Variants in UBAC2 observed in about 807,000 individuals in gnomAD.
UBAC2 encodes ubiquitin-associated domain-containing protein 2.
UBAC2 carries 26 observed loss-of-function variants against 44.0 expected under a neutral mutation model. The observed-to-expected ratio is 0.59, with a 90% confidence interval of 0.43 to 0.82. UBAC2 has a LOEUF of 0.82. Ranked by LOEUF, UBAC2 falls within the 40% of genes least tolerant of loss-of-function variation. The pLI is 0.00. For synonymous variants in UBAC2, 155 were observed against 154.3 expected (o/e 1.00, Z -0.04); for missense variants, 329 against 419.4 (o/e 0.78, Z 1.88).
intron 5 of UBAC2, among the ~76,000 whole-genome samples, chr13:99,315,787 T>G (rs1000220761): frequency 1.3e-5 from 2 of 152,182 alleles, no homozygotes; most frequent in Admixed American, 6.5e-5. Context: ...TTCATTTTTC[T>G]GAGATTGTAA....
At position 99,295,553 on chromosome 13, in the gene UBAC2, A is replaced by G; in HGVS notation, c.390-18544A>G. ...TACATATCCTATGAAACATGCCCCA[A>G]GCAGAATCCAGGGAAGAGATTTAGT... On this transcript the variant is annotated intron_variant, in intron 4 of 8. Coordinates refer to ENST00000403766, the MANE Select transcript of UBAC2 (RefSeq NM_001144072.2). The surrounding 1 kb of genome is among the most constrained non-coding windows in gnomAD (Gnocchi z 4.1). The G allele has an allele frequency of 2.5e-6, 4 of 1,614,000 alleles. No individual in the cohort carries two copies. The highest frequency in any genetic ancestry group is 2.5e-6 in the Non-Finnish European group (3 of 1,180,022).
intron 1 of UBAC2, among the ~76,000 whole-genome samples, chr13:99,217,244 C>T (rs928317809): frequency 1.1e-4 from 17 of 152,186 alleles, no homozygotes; most frequent in Non-Finnish European, 2.4e-4. Flanking sequence ...CAGAGTCAGT[C>T]CCTCCATCCA....
At chr13:99,374,314 G>C (rs2045450453) in intron 8 of UBAC2, among the ~76,000 whole-genome samples, 1 of 152,138 alleles carries the variant, frequency 6.6e-6, no homozygotes, top group African/African-American at 2.4e-5. Flanking sequence ...AGGTCTTCTT[G>C]TTTTGGGATC....
At chr13:99,326,496 T>G (rs2044642501) in intron 6 of UBAC2, among the ~76,000 whole-genome samples, 1 of 152,226 alleles carries the variant, frequency 6.6e-6, no homozygotes, top group South Asian at 2.1e-4. Context: ...TGATACACAT[T>G]CTAAAAATAA....
At chr13:99,368,135 T>C (rs1200183102) in intron 8 of UBAC2, among the ~76,000 whole-genome samples, 1 of 152,122 alleles carries the variant, frequency 6.6e-6, no homozygotes, top group Non-Finnish European at 1.5e-5. Flanking sequence ...TGTATTATGG[T>C]AGCTTGTTTT....
intron 4 of UBAC2, chr13:99,255,987 T>A: frequency 1.0e-6 from 1 of 977,226 alleles, no homozygotes; most frequent in Non-Finnish European, 1.5e-6. Context: ...TCAGCTTGAC[T>A]GCCAGTGAAT....
chr13:99,241,369 A>T (rs1437798161), intron 2 of UBAC2, among the ~76,000 whole-genome samples: 1 of 152,212 alleles, frequency 6.6e-6, no homozygotes, highest in Non-Finnish European at 1.5e-5. Flanking sequence ...TAACAGATAC[A>T]TGGATAAACA....
At chr13:99,239,979 T>G (rs2043281828) in intron 2 of UBAC2, among the ~76,000 whole-genome samples, 1 of 152,142 alleles carries the variant, frequency 6.6e-6, no homozygotes, top group South Asian at 2.1e-4. Context: ...GACTGTTAAT[T>G]AGCAATGAAG....
In UBAC2 at chr13:99,294,872, G is replaced by T. The variant is rs564755633; in HGVS notation, c.390-19225G>T. 5 of 478,288 alleles carry T rather than the reference G, an allele frequency of 1.0e-5. No individual in the cohort carries two copies. The East Asian group carries it at 1.7e-4, about 16-fold the overall frequency. The allele number at this position is 478,288 out of a possible 1,614,324, so 29.6% of individuals were successfully genotyped here. On this transcript the variant is annotated intron_variant, in intron 4 of 8. Transcript: ENST00000403766. ...TGAAATATTTATTTGCATTTTTATT[G>T]TGCTTTATGTTGTTTGCTTTATGTT...
chr13:99,339,396 T>C (rs1012635002), intron 6 of UBAC2, among the ~76,000 whole-genome samples: 2 of 152,248 alleles, frequency 1.3e-5, no homozygotes, highest in African/African-American at 4.8e-5. Context: ...ACTTGATTAC[T>C]GCCTGTTCTC....
intron 4 of UBAC2, among the ~76,000 whole-genome samples, chr13:99,306,547 A>G (rs2044339291): frequency 1.3e-5 from 2 of 152,168 alleles, no homozygotes; most frequent in Admixed American, 1.3e-4. Context: ...ACACACATAT[A>G]TAAAACCCTC....
intron 1 of UBAC2, among the ~76,000 whole-genome samples, chr13:99,231,924 G>A (rs535414918): frequency 7.3e-4 from 111 of 152,294 alleles, no homozygotes; most frequent in African/African-American, 2.5e-3. Flanking sequence ...CATAATGCAC[G>A]TCTTACTGAC....
At chr13:99,289,452 G>A (rs993921270) in intron 4 of UBAC2, among the ~76,000 whole-genome samples, 1 of 152,218 alleles carries the variant, frequency 6.6e-6, no homozygotes, top group Non-Finnish European at 1.5e-5. Flanking sequence ...GGAGGGAGTC[G>A]AAAGTGTGGG....
Position 99,297,330 on chromosome 13 carries a change from A to G in UBAC2, c.390-16767A>G, listed in dbSNP as rs951653926. ...TGTACATAAATCTCACCTGGAAGTC[A>G]CCAAAATTAAGGGGCACTTTCAGCA... On this transcript the variant is annotated intron_variant, in intron 4 of 8. Coordinates refer to ENST00000403766, the MANE Select transcript of UBAC2 (RefSeq NM_001144072.2). Among the ~76,000 whole-genome samples the G allele has an allele frequency of 4.1e-4, 62 of 152,182 alleles. 3 individuals are homozygous for G. The highest frequency in any genetic ancestry group is 2.9e-5 in the Non-Finnish European group (2 of 67,992).
At chr13:99,331,698 A>G (rs1337619901) in intron 6 of UBAC2, among the ~76,000 whole-genome samples, 1 of 152,262 alleles carries the variant, frequency 6.6e-6, no homozygotes, top group Non-Finnish European at 1.5e-5. Flanking sequence ...TGTATGACAA[A>G]TGGCAGAAAT....
At chr13:99,373,537 A>T (rs2045438030) in intron 8 of UBAC2, among the ~76,000 whole-genome samples, 1 of 152,204 alleles carries the variant, frequency 6.6e-6, no homozygotes, top group Admixed American at 6.5e-5. Context: ...GATAAGGCGG[A>T]ATGTCCTGCC....
intron 7 of UBAC2, among the ~76,000 whole-genome samples, chr13:99,353,084 G>A (rs765492087): frequency 6.6e-6 from 1 of 152,222 alleles, no homozygotes; most frequent in African/African-American, 2.4e-5. Flanking sequence ...TTCTTTTCAA[G>A]TTGCTATGCT....
chr13:99,377,960 A>T (rs1307867451), intron 8 of UBAC2, among the ~76,000 whole-genome samples: 1 of 152,240 alleles, frequency 6.6e-6, no homozygotes, highest in South Asian at 2.1e-4. Context: ...CTAAGACAGC[A>T]TGCAGCTTCC....
At position 99,338,049 on chromosome 13, in the gene UBAC2, T is replaced by TTTTC. The variant is rs1384310642; in HGVS notation, c.562-2268_562-2267insCTTT. ...CTCCTAACTTTTTTTCTTTTTTTCT[T>TTTTC]TTTTTTTTTTTTTTTTTTTTTTTTT... On this transcript the variant is annotated intron_variant, in intron 6 of 8. Transcript: ENST00000403766. 2.5e-4 allele frequency among the ~76,000 whole-genome samples: 9 copies of TTTTC among 36,018 alleles called. 1 individual carries two copies. Among genetic ancestry groups the TTTTC allele is most frequent in the Admixed American group, 2.9e-4 (1 of 3,414 alleles). The allele number at this position is 36,018 out of a possible 152,430, so 23.6% of individuals were successfully genotyped here.
Sources: gnomAD v4.1 joint callset for allele counts (sites outside exome capture counted in the v4.1 genomes callset) on GRCh38, gnomAD v4.1.1 for gene constraint, Gnocchi (gnomAD v3.1) non-coding constraint, MANE v1.5 for transcripts, NCBI Gene and HGNC (gene_info 2026-07-23, HGNC 2026-07-21) for gene names.